EML5: variants seen among roughly 807,000 people sequenced by gnomAD.
EML5 encodes the protein EMAP like 5, also known as echinoderm microtubule-associated protein-like 5.
A neutral mutation model predicts 250.0 loss-of-function variants in EML5; 120 were observed. The observed-to-expected ratio is 0.48, with a 90% CI of 0.41 to 0.56. The LOEUF is 0.56. EML5 is among the 20% of genes least tolerant of loss of function. The pLI, the probability that EML5 is intolerant of heterozygous loss-of-function variation, is 0.00. For synonymous variants in EML5, 771 were observed against 806.5 expected (o/e 0.96, Z 0.75); for missense variants, 2,006 against 2,437.6 (o/e 0.82, Z 3.73).
chr14:88,767,785 A>C (rs900664394), intron 1 of EML5, among the ~76,000 whole-genome samples: 1 of 152,220 alleles, frequency 6.6e-6, no homozygotes, highest in Non-Finnish European at 1.5e-5. Flanking sequence ...ATCACACTTC[A>C]TTACAATATA....
intron 25 of EML5, 114 bp downstream of exon 25, chr14:88,661,540 A>T: frequency 1.1e-6 from 1 of 934,814 alleles, no homozygotes; most frequent in Non-Finnish European, 1.6e-6. Flanking sequence ...CTTTCATATT[A>T]CAACATTACA....
At chr14:88,686,176 T>C (rs947196164) in intron 19 of EML5, among the ~76,000 whole-genome samples, 1 of 152,002 alleles carries the variant, frequency 6.6e-6, no homozygotes, top group African/African-American at 2.4e-5. Flanking sequence ...AATAAGTATG[T>C]TGTCAAGTAA....
At chr14:88,656,706 A>T (rs1455366540) in intron 27 of EML5, among the ~76,000 whole-genome samples, 1 of 151,898 alleles carries the variant, frequency 6.6e-6, no homozygotes, top group Non-Finnish European at 1.5e-5. Context: ...AATAATTCCC[A>T]TTAAAGACAA....
At chr14:88,661,518 A>G in intron 25 of EML5, 136 bp downstream of exon 25, 1 of 763,618 alleles carries the variant, frequency 1.3e-6, no homozygotes, top group Non-Finnish European at 2.0e-6. Context: ...GATATGAAAC[A>G]TAATTCTGAA....
chr14:88,627,185 A>G (rs1485779289), intron 34 of EML5, 139 bp from the exon 35 acceptor site: 1 of 728,132 alleles, frequency 1.4e-6, no homozygotes, highest in African/African-American at 1.8e-5. Flanking sequence ...ACTACCTAGC[A>G]ATACATGATT....
chr14:88,626,765 A>G (rs1162663092), intron 35 of EML5, 73 bp downstream of exon 35: 7 of 1,441,824 alleles, frequency 4.9e-6, no homozygotes, highest in South Asian at 4.9e-5. Flanking sequence ...AACAACATTC[A>G]TGTGGCTGAT....
At chr14:88,616,635 C>A (rs2140232411) in intron 42 of EML5, 91 bp downstream of exon 42, 1 of 1,295,038 alleles carries the variant, frequency 7.7e-7, no homozygotes, top group African/African-American at 1.5e-5. Flanking sequence ...GAAATTAGGA[C>A]AAAACATTTT....
intron 37 of EML5, chr14:88,622,044 G>C (rs2983488): frequency 1 from 321,934 of 321,946 alleles, 160,961 homozygotes; most frequent in Middle Eastern, 1. Flanking sequence ...CCTCCCCCTT[G>C]TCCGCCTCCA....
At chr14:88,737,296 TA>T (rs2093856665) in intron 6 of EML5, among the ~76,000 whole-genome samples, 6 of 152,220 alleles carry the variant, frequency 3.9e-5, no homozygotes, top group Non-Finnish European at 8.8e-5. Flanking sequence ...TCAGGGCCGC[TA>T]GAGTCCCCAA....
chr14:88,770,716 C>A (rs2094382950), intron 1 of EML5, among the ~76,000 whole-genome samples: 1 of 152,144 alleles, frequency 6.6e-6, no homozygotes, highest in South Asian at 2.1e-4. Flanking sequence ...AGTTAAGTTT[C>A]ATCCACATAA....
In EML5 at chr14:88,667,597, G is replaced by C. The variant is rs140797206; in HGVS notation, c.3125-2108C>G. Among the ~76,000 whole-genome samples the C allele has an allele frequency of 2.9e-3, 438 of 152,264 alleles. 1 individual carries two copies. The highest frequency in any genetic ancestry group is 9.8e-3 in the African/African-American group (409 of 41,552). ...TTTATTGCCTCTCAGTTCCAAATCT[G>C]CCACTTTGGGCCTCACAGACTTTTT... On this transcript the variant is annotated intron_variant, in intron 21 of 43. Transcript: ENST00000554922.
chr14:88,671,331 C>CTTT (rs1390149173), intron 21 of EML5, among the ~76,000 whole-genome samples: 2 of 151,708 alleles, frequency 1.3e-5, no homozygotes, highest in Admixed American at 6.6e-5. Flanking sequence ...GAGAAATAAA[C>CTTT]TCCTTTTTAG....
chr14:88,683,056 C>T (rs1299424664), intron 20 of EML5, among the ~76,000 whole-genome samples: 3 of 134,376 alleles, frequency 2.2e-5, no homozygotes, highest in African/African-American at 5.5e-5. Flanking sequence ...TGCATAAGTA[C>T]GTCTCAAAAA....
At chr14:88,735,107 C>A (rs1453898243) in intron 7 of EML5, among the ~76,000 whole-genome samples, 1 of 152,028 alleles carries the variant, frequency 6.6e-6, no homozygotes, top group Non-Finnish European at 1.5e-5. Flanking sequence ...CTGGGGTAAA[C>A]AAATCTCAAT....
intron 6 of EML5, among the ~76,000 whole-genome samples, chr14:88,737,023 T>G (rs1186240601): frequency 6.6e-6 from 1 of 152,020 alleles, no homozygotes; most frequent in East Asian, 1.9e-4. Context: ...TCGGGTACCC[T>G]CTCCATTGAG....
chr14:88,640,094 C>A (rs184199265), intron 31 of EML5, among the ~76,000 whole-genome samples: 19 of 152,150 alleles, frequency 1.2e-4, no homozygotes, highest in African/African-American at 4.3e-4. Context: ...CCCCAAAAAG[C>A]AAAACAAAAA....
rs144685681 is a variant in EML5, at chr14:88,663,697, T to C, written c.3410-578A>G. On this transcript the variant is annotated intron_variant, in intron 23 of 43. Coordinates refer to ENST00000554922, the MANE Select transcript of EML5 (RefSeq NM_183387.3). Reference sequence around the variant, plus strand: ...CTTCATTAACATTTCTTTTTAAAAATGTATTTCATTTTTTTTTTTTAGGAA... The same window carrying C: ...CTTCATTAACATTTCTTTTTAAAAACGTATTTCATTTTTTTTTTTTAGGAA... 3.9e-5 allele frequency among the ~76,000 whole-genome samples: 6 copies of C among 151,922 alleles called. No individual in the cohort carries two copies. The East Asian group carries it at 9.7e-4, about 25-fold the overall frequency.
chr14:88,691,592 ATCCCT>A (rs2092960557), intron 17 of EML5, among the ~76,000 whole-genome samples: 1 of 152,168 alleles, frequency 6.6e-6, no homozygotes, highest in South Asian at 2.1e-4. Flanking sequence ...TAGAGTTCAA[ATCCCT>A]TAGGGGAGAG....
intron 6 of EML5, 36 bp from the exon 7 acceptor site, chr14:88,736,601 T>C: frequency 6.3e-7 from 1 of 1,593,086 alleles, no homozygotes; most frequent in Non-Finnish European, 8.6e-7. Context: ...TATATAATGC[T>C]GTAATAATGA....
Sources: gnomAD v4.1 joint callset for allele counts (sites outside exome capture counted in the v4.1 genomes callset) on GRCh38, gnomAD v4.1.1 for gene constraint, MANE v1.5 for transcripts, NCBI Gene and HGNC (gene_info 2026-07-23, HGNC 2026-07-21) for gene names.